The following SENP7 variants were observed in gnomAD, a reference collection of about 807,000 sequenced individuals.
SENP7 encodes sentrin-specific protease 7.
A neutral mutation model predicts 141.2 loss-of-function variants in SENP7; 64 were observed. That is an observed-to-expected ratio of 0.45 (90% CI 0.37 to 0.56). SENP7 has a LOEUF of 0.56. SENP7 is among the 20% of genes least tolerant of loss of function. The pLI is 0.00. For synonymous variants in SENP7, 382 were observed against 426.4 expected, an observed-to-expected ratio of 0.90 and a Z score of 1.28; for missense variants, 1,025 against 1,212.2, an observed-to-expected ratio of 0.85 and a Z score of 2.29.
At chr3:101,335,716 G>T (rs1273173930) in intron 17 of SENP7, among the ~76,000 whole-genome samples, 1 of 151,978 alleles carries the variant, frequency 6.6e-6, no homozygotes, top group Non-Finnish European at 1.5e-5. Context: ...GAATAATCTT[G>T]AAATAAAACA....
rs1402556303 is a variant in SENP7, at chr3:101,427,359, G to A, written c.285-9569C>T. Among the ~76,000 whole-genome samples the A allele has an allele frequency of 2.0e-5, 3 of 151,866 alleles. No homozygotes were observed. In the East Asian group the frequency reaches 5.8e-4, roughly 29 times the overall value. On this transcript the variant is annotated intron_variant, in intron 4 of 23. Coordinates refer to ENST00000394095, the MANE Select transcript of SENP7 (RefSeq NM_020654.5). ...CAAAAAACTACCCGGGAGTGGTGGT[G>A]CACACCTTTAGTCTCAGCTACTCGG...
intron 1 of SENP7, among the ~76,000 whole-genome samples, chr3:101,503,851 G>T (rs2065485625): frequency 6.6e-6 from 1 of 151,988 alleles, no homozygotes; most frequent in African/African-American, 2.4e-5. Flanking sequence ...GTAGGCTGAG[G>T]TGGGAAGATC....
intron 6 of SENP7, among the ~76,000 whole-genome samples, chr3:101,372,760 G>A (rs1454508850): frequency 2.0e-5 from 3 of 151,908 alleles, no homozygotes; most frequent in African/African-American, 7.2e-5. Context: ...GCCTATTTGG[G>A]TAGTAGATAA....
intron 3 of SENP7, among the ~76,000 whole-genome samples, chr3:101,471,568 A>T (rs2063997116): frequency 6.6e-6 from 1 of 152,216 alleles, no homozygotes; most frequent in East Asian, 1.9e-4. Flanking sequence ...AACCTAGGGA[A>T]TACCATTCAG....
intron 3 of SENP7, among the ~76,000 whole-genome samples, chr3:101,491,801 T>C (rs958195156): frequency 5.9e-5 from 9 of 152,070 alleles, no homozygotes; most frequent in African/African-American, 9.7e-5. Context: ...TTAGAAATGG[T>C]TAATAGGAGG....
chr3:101,419,289 C>CA (rs2061716239), intron 4 of SENP7, among the ~76,000 whole-genome samples: 1 of 152,146 alleles, frequency 6.6e-6, no homozygotes, highest in South Asian at 2.1e-4. Flanking sequence ...GGCAGTTAGG[C>CA]AGGACTTAGC....
intron 3 of SENP7, among the ~76,000 whole-genome samples, chr3:101,464,718 G>T (rs2063703587): frequency 6.6e-6 from 1 of 152,046 alleles, no homozygotes; most frequent in African/African-American, 2.4e-5. Context: ...CACAATAAAT[G>T]TAACATGCTT....
chr3:101,513,174 AG>A lies in SENP7; in HGVS notation c.-45del. The stretch of plus-strand genomic sequence containing the variant: ...TTTCAGTTGCAGGCGCTGTCACCTC[AG>A]GACCCCTCCGGCTTGGAGAGGGAGG... On this transcript the variant is annotated 5_prime_UTR_variant, in exon 1 of 24. Transcript: ENST00000394095. 1 of 1,285,636 alleles carries A rather than the reference AG, an allele frequency of 7.8e-7. No homozygotes were observed. The highest frequency in any genetic ancestry group is 4.3e-5 in the East Asian group (1 of 23,076). 79.6% of individuals were successfully genotyped at this position (1,285,636 alleles called of 1,614,324 possible).
In SENP7 at chr3:101,325,964, T is replaced by C. The variant is rs758958094; in HGVS notation, c.3132A>G (p.Gln1044=). 7.5e-6 allele frequency: 12 copies of C among 1,609,546 alleles called. No homozygotes were observed. Among genetic ancestry groups the C allele is most frequent in the Middle Eastern group, 3.3e-4 (2 of 6,052 alleles). ...RELILKLHLQ[Q]QKGSSS ...TTAACTAGCTACTGCTGCCCTTCTGTTGCTGTAAATGAAGTTTCAAGATGA... is the reference window on the plus strand; with the variant it reads ...TTAACTAGCTACTGCTGCCCTTCTGCTGCTGTAAATGAAGTTTCAAGATGA... The change falls in exon 24 of 24, where the codon CAA becomes CAG. Residue 1044 remains glutamine (Q), a synonymous_variant. Transcript: ENST00000394095.
At chr3:101,465,663 C>A (rs2063735916) in intron 3 of SENP7, among the ~76,000 whole-genome samples, 1 of 152,056 alleles carries the variant, frequency 6.6e-6, no homozygotes, top group African/African-American at 2.4e-5. Context: ...TTTTCCCTAC[C>A]AATGTTAATG....
intron 4 of SENP7, among the ~76,000 whole-genome samples, chr3:101,449,621 G>A (rs1481579327): frequency 4.3e-4 from 66 of 152,242 alleles, no homozygotes; most frequent in Non-Finnish European, 1.0e-4. Flanking sequence ...GCCAAACTAA[G>A]CTTCATAAGT....
At chr3:101,474,489 T>C (rs1244133027) in intron 3 of SENP7, among the ~76,000 whole-genome samples, 1 of 152,126 alleles carries the variant, frequency 6.6e-6, no homozygotes, top group Non-Finnish European at 1.5e-5. Flanking sequence ...TTGATTGTTG[T>C]TGGTATATAG....
Position 101,415,762 on chromosome 3 carries a change from AAC to A in SENP7, c.482+1829_482+1830del, listed in dbSNP as rs1491389563. On this transcript the variant is annotated intron_variant, in intron 5 of 23. Transcript: ENST00000394095. ...TACCATTTTTGCCTGGGGCTTTTGC[AAC>A]ACAGTGTTCCTGCCCCAGCATGGCA... 2.7e-5 allele frequency among the ~76,000 whole-genome samples: 4 copies of A among 150,354 alleles called. No individual in the cohort carries two copies. The East Asian group carries it at 7.9e-4, about 30-fold the overall frequency.
chr3:101,454,958 T>A (rs896760466), intron 4 of SENP7, among the ~76,000 whole-genome samples: 1 of 152,236 alleles, frequency 6.6e-6, no homozygotes, highest in Non-Finnish European at 1.5e-5. Context: ...AAAAATTATT[T>A]AATTATTGAA....
chr3:101,466,394 T>A (rs1483363146), intron 3 of SENP7, among the ~76,000 whole-genome samples: 1 of 151,436 alleles, frequency 6.6e-6, no homozygotes, highest in Non-Finnish European at 1.5e-5. Context: ...CATAAGAAAA[T>A]CCCCATAAGA....
intron 13 of SENP7, among the ~76,000 whole-genome samples, chr3:101,344,958 A>G (rs2059417728): frequency 6.9e-6 from 1 of 144,912 alleles, no homozygotes; most frequent in East Asian, 2.1e-4. Flanking sequence ...CCTGAGGAAC[A>G]TATCGAGAGC....
chr3:101,482,731 T>C (rs912764872), intron 3 of SENP7, among the ~76,000 whole-genome samples: 2 of 151,874 alleles, frequency 1.3e-5, no homozygotes, highest in Admixed American at 6.5e-5. Context: ...TCTTAGACAC[T>C]ATGGTGACCT....
At chr3:101,366,349 CA>C (rs2060037368) in intron 9 of SENP7, 80 bp downstream of exon 9, 1 of 1,089,136 alleles carries the variant, frequency 9.2e-7, no homozygotes, top group Non-Finnish European at 1.3e-6. Flanking sequence ...TGGCCTTAGC[CA>C]AATTTGTTCA....
chr3:101,417,593 C>G lies in SENP7; in HGVS notation c.482G>C (p.Arg161Thr). Residue 161 changes from arginine (R) to threonine (T), a missense_variant and splice_region_variant, in exon 5 of 24, where the codon AGG becomes ACG. Around this residue, in one of 4 missense-constraint regions of SENP7, gnomAD observed 496 missense variants for 503.5 expected, o/e 0.99. Coordinates refer to ENST00000394095, the MANE Select transcript of SENP7 (RefSeq NM_020654.5). ...ACAAAATCAATACTGAACAACATAC[C>G]TTTCAGATAAATTAAGGCTTTGGCG... ...PLRQSLNLSE[R>T]IPRVILTNVL... 1.9e-6 allele frequency: 3 copies of G among 1,609,592 alleles called. No homozygotes were observed. Among genetic ancestry groups the G allele is most frequent in the Non-Finnish European group, 2.6e-6 (3 of 1,175,974 alleles).
Sources: gnomAD v4.1 joint callset for allele counts (sites outside exome capture counted in the v4.1 genomes callset) on GRCh38, gnomAD v4.1.1 for gene constraint, gnomAD v4.1.1 regional missense constraint, MANE v1.5 for transcripts, NCBI Gene and HGNC (gene_info 2026-07-23, HGNC 2026-07-21) for gene names.